STK32B: variants seen among roughly 807,000 people sequenced by gnomAD.
The protein encoded by STK32B is serine/threonine kinase 32B.
In STK32B, 43 loss-of-function variants were observed where a neutral mutation model predicts 52.6. The ratio of observed to expected loss-of-function variants is 0.82; its 90% CI spans 0.64 to 1.05. The LOEUF is 1.05. STK32B is among the 50% of genes least tolerant of loss of function. The probability of loss-of-function intolerance (pLI) is 0.00; values close to 1 mark genes in which losing one functional copy is unlikely to be tolerated. For synonymous variants in STK32B, 238 were observed against 204.3 expected (o/e 1.17, Z -1.41); for missense variants, 621 against 534.6 (o/e 1.16, Z -1.59).
intron 3 of STK32B, among the ~76,000 whole-genome samples, chr4:5,192,716 C>CT (rs1049453513): frequency 1.4e-5 from 2 of 143,858 alleles, no homozygotes; most frequent in African/African-American, 5.2e-5. Flanking sequence ...ACACAGTCAC[C>CT]TTTTTTGTGT....
In STK32B at chr4:5,378,971, A is replaced by C. The variant is rs937435990; in HGVS notation, c.435-19236A>C. Among the ~76,000 whole-genome samples the C allele has an allele frequency of 6.6e-6, 1 of 152,090 alleles. No individual in the cohort carries two copies. The highest frequency in any genetic ancestry group is 2.4e-5 in the African/African-American group (1 of 41,402). On this transcript the variant is annotated intron_variant, in intron 4 of 11. Coordinates refer to ENST00000282908, the MANE Select transcript of STK32B (RefSeq NM_018401.3). The surrounding 1 kb of genome is among the most constrained non-coding windows in gnomAD (Gnocchi z 4.4). ...ATGGCTGACAAAAAGCTCTGTGGAG[A>C]GAGGTCAGGCCCTGGCTGTGCTGAT...
chr4:5,189,670 C>G (rs1721027268), intron 3 of STK32B, among the ~76,000 whole-genome samples: 1 of 152,124 alleles, frequency 6.6e-6, no homozygotes, highest in Non-Finnish European at 1.5e-5. Context: ...TGCATAAATA[C>G]TAAGGAAAAT....
intron 3 of STK32B, among the ~76,000 whole-genome samples, chr4:5,175,293 T>A (rs543992359): frequency 1.2e-4 from 19 of 152,216 alleles, no homozygotes; most frequent in Non-Finnish European, 2.5e-4. Context: ...GAAGCCTTCT[T>A]CTCTCAACTC....
At chr4:5,439,846 T>C (rs909916258) in intron 6 of STK32B, among the ~76,000 whole-genome samples, 8 of 151,606 alleles carry the variant, frequency 5.3e-5, no homozygotes, top group Non-Finnish European at 1.0e-4. Context: ...CCCAGCACCA[T>C]TTATTAAATA....
At chr4:5,080,987 T>C (rs1199267545) in intron 1 of STK32B, among the ~76,000 whole-genome samples, 1 of 152,198 alleles carries the variant, frequency 6.6e-6, no homozygotes, top group African/African-American at 2.4e-5. Context: ...ACTACAATCC[T>C]ACTGTCTGTT....
chr4:5,042,839 G>T, the STK32B span, among the ~76,000 whole-genome samples: 2 of 152,050 alleles, frequency 1.3e-5, no homozygotes, highest in Non-Finnish European at 2.9e-5. Context: ...GGGCGCGGTG[G>T]CTCACGCCTG....
chr4:5,484,393 A>G (rs1170462692), intron 11 of STK32B, among the ~76,000 whole-genome samples: 1 of 152,136 alleles, frequency 6.6e-6, no homozygotes, highest in East Asian at 1.9e-4. Flanking sequence ...CTGTTTTATC[A>G]GAGACTAGGA....
chr4:5,033,599 T>C, the STK32B span, among the ~76,000 whole-genome samples: 1 of 152,228 alleles, frequency 6.6e-6, no homozygotes, highest in Admixed American at 6.5e-5. Context: ...CTTTTTCTCC[T>C]TCACGAGGAG....
chr4:5,498,917 A>G (rs773980780), intron 11 of STK32B, 28 bp from the exon 12 acceptor site: 1 of 1,601,518 alleles, frequency 6.2e-7, no homozygotes, highest in African/African-American at 1.3e-5. Flanking sequence ...ATGCCGCACC[A>G]CTAACTCAGA....
In STK32B at chr4:5,500,365, A is replaced by G. The variant is rs1385118827; in HGVS notation, c.*1282A>G. On this transcript the variant is annotated 3_prime_UTR_variant, in exon 12 of 12. Transcript: ENST00000282908. ...TAACCCCAAGCATTGGATGACTCAT[A>G]GAATGGCCTTTTTTGTCAGCATAAT... is the stretch of plus-strand genomic sequence containing the variant. The G allele has an allele frequency of 6.6e-6, 1 of 152,216 alleles. No individual in the cohort carries two copies. Among genetic ancestry groups the G allele is most frequent in the Non-Finnish European group, 1.5e-5 (1 of 68,032 alleles). The allele number at this position is 152,216 out of a possible 1,614,324, so 9.4% of individuals were successfully genotyped here. A position where few individuals can be genotyped will look rare whatever the true frequency, so the allele number is the denominator to read the frequency against.
intron 3 of STK32B, among the ~76,000 whole-genome samples, chr4:5,232,037 C>T (rs1724309603): frequency 6.6e-6 from 1 of 152,064 alleles, no homozygotes; most frequent in African/African-American, 2.4e-5. Flanking sequence ...GTGCTGGTTG[C>T]TTGGGGTGGA....
intron 4 of STK32B, among the ~76,000 whole-genome samples, chr4:5,367,100 G>T (rs563453519): frequency 6.6e-6 from 1 of 152,038 alleles, no homozygotes; most frequent in Non-Finnish European, 1.5e-5. Flanking sequence ...AGAAAAAAAA[G>T]AAAAACTTCT....
intron 1 of STK32B, among the ~76,000 whole-genome samples, chr4:5,113,411 A>G (rs1441198329): frequency 6.6e-6 from 1 of 152,214 alleles, no homozygotes; most frequent in African/African-American, 2.4e-5. Context: ...CAGTGCAAAT[A>G]GACCAAGACA....
chr4:5,323,337 C>T (rs753617365), intron 3 of STK32B, among the ~76,000 whole-genome samples: 2 of 152,176 alleles, frequency 1.3e-5, no homozygotes, highest in African/African-American at 4.8e-5. Context: ...AGAGAGCAGA[C>T]AGGAGTGTAA....
intron 1 of STK32B, among the ~76,000 whole-genome samples, chr4:5,112,241 G>A (rs1335710892): frequency 4.6e-5 from 7 of 152,104 alleles, no homozygotes; most frequent in African/African-American, 1.7e-4. Flanking sequence ...CTGTGAGATT[G>A]TATTTGTCAG....
At chr4:5,119,181 C>T (rs150420272) in intron 1 of STK32B, among the ~76,000 whole-genome samples, 13 of 152,344 alleles carry the variant, frequency 8.5e-5, no homozygotes, top group Non-Finnish European at 1.5e-4. Flanking sequence ...TAGCAGATCC[C>T]GCACCCTCAC....
chr4:5,075,515 A>G (rs1404991937), intron 1 of STK32B, among the ~76,000 whole-genome samples: 2 of 152,120 alleles, frequency 1.3e-5, no homozygotes, highest in Non-Finnish European at 2.9e-5. Context: ...AATTCATTTC[A>G]GCCATTAACC....
intron 3 of STK32B, among the ~76,000 whole-genome samples, chr4:5,284,599 T>G (rs1180586931): frequency 1.3e-5 from 2 of 152,186 alleles, no homozygotes; most frequent in Non-Finnish European, 2.9e-5. Context: ...GATAGACATG[T>G]AAACAAATGT....
At chr4:5,201,567 G>A (rs1261616430) in intron 3 of STK32B, among the ~76,000 whole-genome samples, 1 of 152,222 alleles carries the variant, frequency 6.6e-6, no homozygotes, top group Non-Finnish European at 1.5e-5. Context: ...TTCAGGACAT[G>A]TATTAGTTTG....
Sources: allele counts gnomAD v4.1 joint callset (sites outside exome capture counted in the v4.1 genomes callset), GRCh38; gene constraint gnomAD v4.1.1; non-coding constraint Gnocchi (gnomAD v3.1); transcripts MANE v1.5; gene names NCBI Gene and HGNC (gene_info 2026-07-23, HGNC 2026-07-21).